SULF2: variants seen among roughly 807,000 people sequenced by gnomAD.
The protein encoded by SULF2 is sulfatase 2.
A neutral mutation model predicts 107.7 loss-of-function variants in SULF2; 52 were observed. That is an observed-to-expected ratio of 0.48 (90% confidence interval 0.39 to 0.61). The LOEUF (loss-of-function observed/expected upper bound fraction) is 0.61, where lower values mean the gene tolerates loss of function less well. Ranked by LOEUF, SULF2 falls within the 20% of genes least tolerant of loss-of-function variation. SULF2 has a pLI of 0.00. For missense variants in SULF2, 993 were observed against 1,177.3 expected, an observed-to-expected ratio of 0.84 and a Z score of 2.29; for synonymous variants, 460 against 464.3, an observed-to-expected ratio of 0.99 and a Z score of 0.12.
intron 10 of SULF2, 194 bp from the exon 11 acceptor site, chr20:47,672,587 A>G: frequency 1.0e-6 from 1 of 981,078 alleles, no homozygotes; most frequent in Non-Finnish European, 1.2e-6. Context: ...AGCTACCATC[A>G]TCCCCCAGCG....
intron 11 of SULF2, among the ~76,000 whole-genome samples, chr20:47,667,407 C>G (rs778025197): frequency 8.5e-5 from 13 of 152,120 alleles, no homozygotes; most frequent in Non-Finnish European, 1.8e-4. Context: ...AAGTGACACC[C>G]CAGGTAGCCT....
At chr20:47,748,435 C>A (rs1428849768) in intron 2 of SULF2, among the ~76,000 whole-genome samples, 1 of 152,248 alleles carries the variant, frequency 6.6e-6, no homozygotes, top group Non-Finnish European at 1.5e-5. Context: ...GTTGCTGAGA[C>A]CCTCAGTTGC....
At chr20:47,779,727 C>T (rs542241902) in intron 1 of SULF2, among the ~76,000 whole-genome samples, 3 of 152,308 alleles carry the variant, frequency 2.0e-5, no homozygotes, top group East Asian at 3.9e-4. Flanking sequence ...CTGCTGCAGC[C>T]TCCCGAGTAA....
At position 47,755,849 on chromosome 20, in the gene SULF2, G is replaced by A. The variant is rs58692538; in HGVS notation, c.175+1340C>T. Among the ~76,000 whole-genome samples, 12 of 150,986 alleles carry A rather than the reference G, an allele frequency of 7.9e-5. No homozygotes were observed. In the East Asian group the frequency reaches 2.2e-3, roughly 27 times the overall value. On this transcript the variant is annotated intron_variant, in intron 2 of 20. Coordinates refer to ENST00000688720, the MANE Select transcript of SULF2 (RefSeq NM_001387048.1). The stretch of plus-strand genomic sequence containing the variant: ...CAAGGCCTGGTGCAACCCGGGCCAA[G>A]TCAGCTCCTCAGCTTCATCTCTCTC...
chr20:47,745,695 ATTT>A (rs1162858117), intron 2 of SULF2, among the ~76,000 whole-genome samples: 2 of 150,660 alleles, frequency 1.3e-5, no homozygotes. Flanking sequence ...TTCCCGGCTA[ATTT>A]TTTTTATTTT....
intron 3 of SULF2, among the ~76,000 whole-genome samples, chr20:47,733,930 GT>G (rs2089673102): frequency 6.6e-6 from 1 of 152,222 alleles, no homozygotes; most frequent in Non-Finnish European, 1.5e-5. Context: ...GTCTTCCTCA[GT>G]TTGGGCTGAT....
Position 47,684,431 on chromosome 20 carries a change from C to T in SULF2, c.888G>A (p.Thr296=), listed in dbSNP as rs199872296. ...CAAGAGGCATGCAGCGGGCGCCTACCGTCTCCATGGAGTCGTCCACCGACA... is the reference window on the plus strand; with the variant it reads ...CAAGAGGCATGCAGCGGGCGCCTACTGTCTCCATGGAGTCGTCCACCGACA... ...TLMSVDDSME[T]IYNMLVETGE... is the part of the protein sequence containing the mutation. Residue 296 remains threonine, a splice_region_variant and synonymous_variant, in exon 6 of 21, where the codon ACG becomes ACA. Transcript: ENST00000688720. The T allele has an allele frequency of 1.2e-5, 19 of 1,608,030 alleles. No individual in the cohort carries two copies. The highest frequency in any genetic ancestry group is 1.7e-4 in the Middle Eastern group (1 of 6,024).
chr20:47,668,598 G>A (rs961891546), intron 11 of SULF2, among the ~76,000 whole-genome samples: 4 of 152,262 alleles, frequency 2.6e-5, no homozygotes, highest in African/African-American at 7.2e-5. Context: ...TGGCCCCGGC[G>A]ATTTGGGTAA....
At chr20:47,765,348 C>T (rs1234977053) in intron 1 of SULF2, among the ~76,000 whole-genome samples, 1 of 128,926 alleles carries the variant, frequency 7.8e-6, no homozygotes, top group Non-Finnish European at 1.6e-5. Flanking sequence ...AGCGACACTG[C>T]CTTAAAAAAA....
rs1390292522 is a variant in SULF2 at position 47,672,380 on chromosome 20, A to G, written c.1394T>C (p.Val465Ala). ...CEQLGQKWQC[V>A]EDATGKLKLH... Reference sequence around the variant, plus strand: ...CTTCAGCTTCCCCGTGGCGTCCTCCACACACTGCCACTTCTGAAAGACATG... The same window carrying G: ...CTTCAGCTTCCCCGTGGCGTCCTCCGCACACTGCCACTTCTGAAAGACATG... Residue 465 changes from valine (V) to alanine (A), a missense_variant, in exon 11 of 21, where the codon GTG (valine) becomes GCG (alanine). Transcript: ENST00000688720. The G allele has an allele frequency of 6.2e-7, 1 of 1,609,222 alleles. No homozygotes were observed. The highest frequency in any genetic ancestry group is 2.2e-5 in the East Asian group (1 of 44,776).
At chr20:47,767,269 G>A (rs1329805394) in intron 1 of SULF2, among the ~76,000 whole-genome samples, 1 of 152,218 alleles carries the variant, frequency 6.6e-6, no homozygotes, top group Admixed American at 6.5e-5. Flanking sequence ...TGCAGCAAGT[G>A]CCCAATAAAT....
chr20:47,693,838 G>T (rs1159602336), intron 4 of SULF2, among the ~76,000 whole-genome samples: 3 of 152,218 alleles, frequency 2.0e-5, no homozygotes, highest in African/African-American at 7.2e-5. Context: ...AAGTGTGTGG[G>T]GGGTGATTAC....
At chr20:47,785,866 C>A, upstream of SULF2, 1 of 152,852 alleles carries the variant, frequency 6.5e-6, no homozygotes, top group South Asian at 1.8e-4. Flanking sequence ...GCCCGCGACC[C>A]GGCCCTGCCT....
chr20:47,688,726 C>T lies in SULF2; in HGVS notation c.737+1400G>A, dbSNP rs187995795. On this transcript the variant is annotated intron_variant, in intron 5 of 20. Transcript: ENST00000688720. ...CAGCAATGCTGCAGCCCCTGGGACG[C>T]AGCTCATCGTCTTCTGTCAAAGCCT... is the stretch of plus-strand genomic sequence containing the variant. 5.0e-3 allele frequency among the ~76,000 whole-genome samples: 757 copies of T among 152,300 alleles called. 5 individuals are homozygous for T. Among genetic ancestry groups the T allele is most frequent in the African/African-American group, 0.017 (703 of 41,562 alleles).
intron 1 of SULF2, among the ~76,000 whole-genome samples, chr20:47,783,071 T>C (rs773877681): frequency 1.4e-4 from 21 of 152,202 alleles, no homozygotes; most frequent in Non-Finnish European, 2.6e-4. Context: ...ATCTTTAATA[T>C]GGCAACAATG....
chr20:47,743,404 G>C (rs1207548919), intron 2 of SULF2, among the ~76,000 whole-genome samples: 1 of 152,100 alleles, frequency 6.6e-6, no homozygotes. Context: ...GACCTCCCCA[G>C]GTTCAGGTGA....
At position 47,694,564 on chromosome 20, in the gene SULF2, G is replaced by T. The variant is rs1427010860; in HGVS notation, c.568-4269C>A. On this transcript the variant is annotated intron_variant, in intron 4 of 20. Coordinates refer to ENST00000688720, the MANE Select transcript of SULF2 (RefSeq NM_001387048.1). The surrounding 1 kb of genome is among the most constrained non-coding windows in gnomAD (Gnocchi z 4.4). ...TACCCAGGTGCTGCTGGCCTGCACA[G>T]CTCCACAGGGCTGAGAAGCCACAGC... 6.6e-6 allele frequency among the ~76,000 whole-genome samples: 1 copy of T among 152,158 alleles called. No individual in the cohort carries two copies. Among genetic ancestry groups the T allele is most frequent in the Non-Finnish European group, 1.5e-5 (1 of 68,014 alleles).
intron 14 of SULF2, 100 bp from the exon 15 acceptor site, chr20:47,664,289 G>GC (rs1245752717): frequency 8.4e-7 from 1 of 1,194,720 alleles, no homozygotes. Flanking sequence ...TGTTGCTGCT[G>GC]CCCCACCCCT....
intron 3 of SULF2, among the ~76,000 whole-genome samples, chr20:47,707,841 C>G (rs770882286): frequency 9.2e-5 from 14 of 152,136 alleles, no homozygotes; most frequent in Non-Finnish European, 1.9e-4. Flanking sequence ...TACAGAGCCC[C>G]GACACTTTCT....
Sources: gnomAD v4.1 joint callset for allele counts (sites outside exome capture counted in the v4.1 genomes callset) on GRCh38, gnomAD v4.1.1 for gene constraint, Gnocchi (gnomAD v3.1) non-coding constraint, MANE v1.5 for transcripts, NCBI Gene and HGNC (gene_info 2026-07-23, HGNC 2026-07-21) for gene names.